Variants in COL6A3 observed in about 807,000 individuals in gnomAD.
The protein encoded by COL6A3 is collagen alpha-3(VI) chain.
In COL6A3, 137 loss-of-function variants were observed where a neutral mutation model predicts 274.1. The ratio of observed to expected loss-of-function variants is 0.50; its 90% CI spans 0.44 to 0.58. The LOEUF is 0.58. Among genes scored for constraint, COL6A3 ranks in the 20% least tolerant of loss-of-function variants. COL6A3 has a pLI of 0.00. For synonymous variants in COL6A3, 1,650 were observed against 1,650.6 expected (o/e 1.00, Z 0.01); for missense variants, 3,950 against 4,124.9 (o/e 0.96, Z 1.16).
chr2:237,366,857 C>A lies in COL6A3; in HGVS notation c.5330G>T (p.Gly1777Val), dbSNP rs1477823319. The A allele has an allele frequency of 3.7e-6, 6 of 1,614,126 alleles. No homozygotes were observed. Among genetic ancestry groups the A allele is most frequent in the Non-Finnish European group, 5.1e-6 (6 of 1,180,060 alleles). The change falls in exon 11 of 44, where the codon GGA becomes GTA. Residue 1777 changes from glycine (G) to valine (V), a missense_variant. By Grantham distance (109) the Gly-to-Val change is moderately radical. This residue lies in a region of COL6A3 where 632 missense variants were observed against 623.4 expected (regional missense o/e 1.01). Transcript: ENST00000295550. ...CTCCTCCGAGTCGATATTCCTCACT[C>A]CAACAGCAAACACTTTGACCCCCCT... is the stretch of plus-strand genomic sequence containing the variant. ...TQRGVKVFAV[G>V]VRNIDSEEVG...
chr2:237,330,228 A>G (rs1211989869), intron 42 of COL6A3: 1 of 152,196 alleles, frequency 6.6e-6, no homozygotes, highest in Non-Finnish European at 1.5e-5. Flanking sequence ...GAGAAGGGAG[A>G]AGAGGGAGGT....
At chr2:237,357,675 C>T (rs1284169159) in intron 22 of COL6A3, 142 bp downstream of exon 22, 9 of 908,368 alleles carry the variant, frequency 9.9e-6, no homozygotes, top group Admixed American at 1.7e-5. Context: ...ACTTCCTTCA[C>T]GGGGACTCTG....
chr2:237,407,938 C>T lies in COL6A3; in HGVS notation c.-31+6015G>A, dbSNP rs1288218386. ...CATTCCAACTCCTTGCCACGTGACGCTGCTGGATCCAAATTGGAGCTTGGC... is the reference window on the plus strand; with the variant it reads ...CATTCCAACTCCTTGCCACGTGACGTTGCTGGATCCAAATTGGAGCTTGGC... On this transcript the variant is annotated intron_variant, in intron 1 of 43. Coordinates refer to ENST00000295550, the MANE Select transcript of COL6A3 (RefSeq NM_004369.4). This position sits in a 1 kb window ranked among gnomAD's most constrained non-coding sequence, Gnocchi z 4.3. 1.3e-5 allele frequency among the ~76,000 whole-genome samples: 2 copies of T among 152,208 alleles called. No individual in the cohort carries two copies. Among genetic ancestry groups the T allele is most frequent in the East Asian group, 3.8e-4 (2 of 5,198 alleles).
chr2:237,413,447 C>T lies in COL6A3; in HGVS notation c.-31+506G>A, dbSNP rs1265480323. ...TTGTGAAAGCAGCAAATGTGCTCCACCAGGACCTTCCCATGGGCGGCCCTG... is the reference window on the plus strand; with the variant it reads ...TTGTGAAAGCAGCAAATGTGCTCCATCAGGACCTTCCCATGGGCGGCCCTG... On this transcript the variant is annotated intron_variant, in intron 1 of 43. Coordinates refer to ENST00000295550, the MANE Select transcript of COL6A3 (RefSeq NM_004369.4). The surrounding 1 kb of genome is among the most constrained non-coding windows in gnomAD (Gnocchi z 4.0). Among the ~76,000 whole-genome samples, 5 of 152,202 alleles carry T rather than the reference C, an allele frequency of 3.3e-5. No individual in the cohort carries two copies. The highest frequency in any genetic ancestry group is 1.2e-4 in the African/African-American group (5 of 41,450).
intron 12 of COL6A3, 92 bp downstream of exon 12, chr2:237,365,606 A>C (rs2077532150): frequency 1.8e-6 from 2 of 1,091,420 alleles, no homozygotes; most frequent in African/African-American, 3.1e-5. Flanking sequence ...GTGAAACATG[A>C]AGAGGATTTA....
intron 29 of COL6A3, 98 bp downstream of exon 29, chr2:237,348,515 T>G: frequency 7.1e-7 from 1 of 1,414,378 alleles, no homozygotes; most frequent in South Asian, 1.2e-5. Context: ...AAAGACAATT[T>G]TTAAAGAAAT....
Position 237,364,201 on chromosome 2 carries a change from G to A in COL6A3, c.5917+149C>T, listed in dbSNP as rs2077498122. On this transcript the variant is annotated intron_variant, in intron 13 of 43. Transcript: ENST00000295550. This position sits in a 1 kb window ranked among gnomAD's most constrained non-coding sequence, Gnocchi z 4.6. Reference sequence around the variant, plus strand: ...CATCCCACAGCTCCAAGCAGGTGATGAAGGGCCACAACGCTGGGAGGAAGA... The same window carrying A: ...CATCCCACAGCTCCAAGCAGGTGATAAAGGGCCACAACGCTGGGAGGAAGA... 2 of 700,984 alleles carry A rather than the reference G, an allele frequency of 2.9e-6. No individual in the cohort carries two copies. The highest frequency in any genetic ancestry group is 1.5e-5 in the South Asian group (1 of 64,662). The allele number at this position is 700,984 out of a possible 1,614,324, so 43.4% of individuals were successfully genotyped here.
intron 38 of COL6A3, among the ~76,000 whole-genome samples, chr2:237,339,928 T>C (rs1257651586): frequency 6.6e-6 from 1 of 152,126 alleles, no homozygotes; most frequent in Non-Finnish European, 1.5e-5. Context: ...GAATTGAACT[T>C]TGAAGATGAA....
rs1386145634 is a variant in COL6A3 at position 237,368,644 on chromosome 2, C to T, written c.4819G>A (p.Glu1607Lys). The change falls in exon 10 of 44, where the codon GAA becomes AAA. Residue 1607 changes from glutamate (E) to lysine (K), a missense_variant. Around this residue, in one of 5 missense-constraint regions of COL6A3, gnomAD observed 632 missense variants for 623.4 expected, o/e 1.01. Transcript: ENST00000295550. This position sits in a 1 kb window ranked among gnomAD's most constrained non-coding sequence, Gnocchi z 4.4. The stretch of plus-strand genomic sequence containing the variant: ...GGTCCAAACGAGTTCATGATTCTTT[C>T]TTCTATGTTGGGAAGCTCTCTGAAC... ...REFRELPNIE[E>K]RIMNSFGPSA... 1.6e-5 allele frequency: 26 copies of T among 1,613,972 alleles called. No individual in the cohort carries two copies. Among genetic ancestry groups the T allele is most frequent in the Non-Finnish European group, 2.1e-5 (25 of 1,180,028 alleles).
intron 40 of COL6A3, 122 bp downstream of exon 40, chr2:237,336,013 G>A (rs1045953539): frequency 3.2e-6 from 4 of 1,240,778 alleles, no homozygotes; most frequent in Non-Finnish European, 4.6e-6. Flanking sequence ...ACATCATCCA[G>A]GTGTACAAGC....
intron 21 of COL6A3, 42 bp downstream of exon 21, chr2:237,358,479 C>T (rs2077365262): frequency 6.5e-7 from 1 of 1,537,118 alleles, no homozygotes; most frequent in Non-Finnish European, 9.0e-7. Flanking sequence ...CAACCCTCTT[C>T]CCCAGGCTCA....
chr2:237,334,467 C>G (rs1175605203), intron 41 of COL6A3, among the ~76,000 whole-genome samples, 159 bp downstream of exon 41: 1 of 152,160 alleles, frequency 6.6e-6, no homozygotes, highest in Non-Finnish European at 1.5e-5. Flanking sequence ...AGGCTGCCAC[C>G]AAAGCACCCA....
In COL6A3 at chr2:237,324,800, C is replaced by T. The variant is rs568632361; in HGVS notation, c.9508G>A (p.Gly3170Arg). 4.8e-5 allele frequency: 78 copies of T among 1,612,498 alleles called. 1 individual carries two copies. In the Middle Eastern group the frequency reaches 5.0e-4, roughly 10 times the overall value. ...KVCAPVLAKPGVISVMGT is the reference protein window; with the variant it reads ...KVCAPVLAKPRVISVMGT ...TAGGTTCCCATCACACTGATGACTC[C>T]GGGTTTGGCGAGCACTGAGCGTCGA... Residue 3170 changes from glycine to arginine, a missense_variant, in exon 44 of 44, where the codon GGA (glycine) becomes AGA (arginine). Gly to Arg is a moderately radical substitution (Grantham distance 125). Transcript: ENST00000295550.
Position 237,324,500 on chromosome 2 carries a change from G to C in COL6A3, c.*274C>G. ...ACTCCAGAGGGAATTTGGATTGATAGGAATGTTCACATAAACACCAGCAGT... is the reference window on the plus strand; with the variant it reads ...ACTCCAGAGGGAATTTGGATTGATACGAATGTTCACATAAACACCAGCAGT... On this transcript the variant is annotated 3_prime_UTR_variant, in exon 44 of 44. Transcript: ENST00000295550. 4.6e-6 allele frequency: 2 copies of C among 433,386 alleles called. No homozygotes were observed. The highest frequency in any genetic ancestry group is 3.4e-5 in the Admixed American group (1 of 29,060). The allele number at this position is 433,386 out of a possible 1,614,324, so 26.8% of individuals were successfully genotyped here. A position where few individuals can be genotyped will look rare whatever the true frequency, so the allele number is the denominator to read the frequency against.
chr2:237,387,826 C>A lies in COL6A3; in HGVS notation c.1068G>T (p.Gly356=). 1 of 1,614,154 alleles carries A rather than the reference C, an allele frequency of 6.2e-7. No homozygotes were observed. Among genetic ancestry groups the A allele is most frequent in the South Asian group, 1.1e-5 (1 of 91,068 alleles). ...VPQVLVLISA[G]PSSDEIRYGV... ...CGTAGCGAATCTCGTCACTAGAAGGCCCGGCACTTATGAGGACCAGCACCT... is the reference window on the plus strand; with the variant it reads ...CGTAGCGAATCTCGTCACTAGAAGGACCGGCACTTATGAGGACCAGCACCT... The change falls in exon 4 of 44, where the codon GGG becomes GGT. Residue 356 remains glycine (G), a synonymous_variant. Transcript: ENST00000295550.
Position 237,345,225 on chromosome 2 carries a change from A to C in COL6A3, c.7093-12T>G, listed in dbSNP as rs929622105. On this transcript the variant is annotated splice_polypyrimidine_tract_variant and intron_variant, in intron 32 of 43. Coordinates refer to ENST00000295550, the MANE Select transcript of COL6A3 (RefSeq NM_004369.4). ...TTGCCCTTGGGACCCTGTAAAACCA[A>C]GGAACGAAAGGTGAGAGGCACAGCA... 5 of 1,613,906 alleles carry C rather than the reference A, an allele frequency of 3.1e-6. No homozygotes were observed. The highest frequency in any genetic ancestry group is 3.4e-6 in the Non-Finnish European group (4 of 1,179,924).
rs1361842649 is a variant in COL6A3 at position 237,395,087 on chromosome 2, G to A, written c.209C>T (p.Ala70Val). The A allele has an allele frequency of 6.2e-7, 1 of 1,614,126 alleles. No individual in the cohort carries two copies. Among genetic ancestry groups the A allele is most frequent in the South Asian group, 1.1e-5 (1 of 91,084 alleles). Residue 70 changes from alanine (A) to valine (V), a missense_variant, in exon 3 of 44, where the codon GCT (alanine) becomes GTT (valine). By Grantham distance (64) the Ala-to-Val change is moderately conservative. Transcript: ENST00000295550. ...EFLYDVVKSL[A>V]VGENDFHFAL... ...AAAATGGAAATCATTTTCTCCCACAGCTAAGGATTTTACAACATCATATAG... is the reference window on the plus strand; with the variant it reads ...AAAATGGAAATCATTTTCTCCCACAACTAAGGATTTTACAACATCATATAG...
intron 16 of COL6A3, among the ~76,000 whole-genome samples, chr2:237,360,702 G>A (rs1187043447): frequency 6.6e-6 from 1 of 152,164 alleles, no homozygotes; most frequent in East Asian, 1.9e-4. Context: ...CTCGGATACT[G>A]ATGATCTGAT....
intron 3 of COL6A3, among the ~76,000 whole-genome samples, chr2:237,391,007 G>A (rs1199910882): frequency 6.6e-6 from 1 of 152,138 alleles, no homozygotes; most frequent in East Asian, 1.9e-4. Flanking sequence ...TTACACATAT[G>A]TGTGTTTTAT....
Sources: gnomAD v4.1 joint callset for allele counts (sites outside exome capture counted in the v4.1 genomes callset) on GRCh38, gnomAD v4.1.1 for gene constraint, gnomAD v4.1.1 regional missense constraint, Gnocchi (gnomAD v3.1) non-coding constraint, MANE v1.5 for transcripts, NCBI Gene and HGNC (gene_info 2026-07-23, HGNC 2026-07-21) for gene names.